The following SEC14L5 variants were observed in gnomAD, a reference collection of about 807,000 sequenced individuals.
SEC14L5 encodes SEC14-like protein 5.
Under a neutral mutation model 84.6 loss-of-function variants are expected in SEC14L5, and 96 were observed. The observed-to-expected ratio is 1.13, with a 90% CI of 0.96 to 1.34. The LOEUF (loss-of-function observed/expected upper bound fraction) is 1.34, where lower values mean the gene tolerates loss of function less well. Among genes scored for constraint, SEC14L5 ranks in the 40% most tolerant of loss-of-function variants. The probability of loss-of-function intolerance (pLI) is 0.00; values close to 1 mark genes in which losing one functional copy is unlikely to be tolerated. For synonymous variants in SEC14L5, 546 were observed against 383.4 expected, an observed-to-expected ratio of 1.42 and a Z score of -4.95; for missense variants, 1,224 against 942.5, an observed-to-expected ratio of 1.30 and a Z score of -3.91.
At chr16:4,997,559 G>A (rs1481482479) in intron 8 of SEC14L5, among the ~76,000 whole-genome samples, 2 of 152,196 alleles carry the variant, frequency 1.3e-5, no homozygotes, top group African/African-American at 2.4e-5. Flanking sequence ...CCACTGGGCT[G>A]AGTGAGCCCA....
Position 5,000,918 on chromosome 16 carries a change from C to T in SEC14L5, c.1123C>T (p.Pro375Ser), listed in dbSNP as rs780667755. Residue 375 changes from proline to serine, a missense_variant, in exon 10 of 16, where the codon CCC becomes TCC. Transcript: ENST00000251170. ...CEGSTRQLGR[P>S]ISSWTCLLDL... is the part of the protein sequence containing the mutation. The stretch of plus-strand genomic sequence containing the variant: ...GGGGAGCACAAGGCAGCTGGGCCGT[C>T]CCATCAGGCAAACACCTGGGCTGGG... 6.2e-7 allele frequency: 1 copy of T among 1,606,038 alleles called. No individual in the cohort carries two copies.
chr16:4,987,703 G>C lies in SEC14L5; in HGVS notation c.210G>C (p.Arg70=). The C allele has an allele frequency of 6.6e-7, 1 of 1,517,494 alleles. No homozygotes were observed. Among genetic ancestry groups the C allele is most frequent in the Non-Finnish European group, 8.8e-7 (1 of 1,137,972 alleles). 94.0% of individuals were successfully genotyped at this position (1,517,494 alleles called of 1,614,324 possible). Residue 70 remains arginine (R), a synonymous_variant, in exon 3 of 16, where the codon CGG becomes CGC. Transcript: ENST00000251170. The part of the protein sequence containing the change: ...RLRVDAPRLL[R]KIAGVEHVVF... ...GCGTGGACGCCCCGCGGCTGCTGCG[G>C]AAGGTGGGCGGCCCTGGGGCTGGGG...
intron 10 of SEC14L5, 46 bp downstream of exon 10, chr16:5,000,971 G>A (rs1480922165): frequency 2.7e-6 from 4 of 1,457,524 alleles, no homozygotes; most frequent in African/African-American, 2.8e-5. Context: ...CAGCAAAGAC[G>A]GAGGGTGGAG....
chr16:4,967,561 CGTTTTTTT>C (rs1955217633), intron 2 of SEC14L5, among the ~76,000 whole-genome samples: 6 of 86,292 alleles, frequency 7.0e-5, no homozygotes, highest in Admixed American at 2.4e-4. Flanking sequence ...TTCTTTCTTT[CGTTTTTTT>C]TTTTTTTTTT....
chr16:4,963,860 A>T (rs1255311883), intron 2 of SEC14L5, among the ~76,000 whole-genome samples: 1 of 151,244 alleles, frequency 6.6e-6, no homozygotes, highest in East Asian at 2.0e-4. Context: ...AAATTTATAA[A>T]TACTTTTATA....
chr16:4,974,992 G>C (rs1955323781), intron 2 of SEC14L5, among the ~76,000 whole-genome samples: 1 of 151,874 alleles, frequency 6.6e-6, no homozygotes, highest in African/African-American at 2.4e-5. Flanking sequence ...TGGCCAGGCT[G>C]GTCTCAAACT....
intron 2 of SEC14L5, among the ~76,000 whole-genome samples, chr16:4,966,461 G>T (rs1342239119): frequency 2.0e-5 from 3 of 151,112 alleles, no homozygotes; most frequent in Non-Finnish European, 4.4e-5. Flanking sequence ...TTTTAGTAGA[G>T]ACAGGGTTTC....
chr16:4,991,760 G>A, intron 5 of SEC14L5, 78 bp from the exon 6 acceptor site: 2 of 960,376 alleles, frequency 2.1e-6, no homozygotes, highest in South Asian at 3.6e-5. Flanking sequence ...CCGGCTGGGG[G>A]TGACTCCCTG....
chr16:4,983,716 G>C (rs1340702399), intron 2 of SEC14L5, among the ~76,000 whole-genome samples: 2 of 151,604 alleles, frequency 1.3e-5, no homozygotes, highest in African/African-American at 2.4e-5. Flanking sequence ...GTCTCTACTA[G>C]AAATACAAAA....
intron 2 of SEC14L5, among the ~76,000 whole-genome samples, chr16:4,980,739 A>T (rs778884761): frequency 1.1e-4 from 16 of 152,292 alleles, no homozygotes; most frequent in African/African-American, 2.4e-4. Context: ...AGAACTGAGG[A>T]AGAGGCAGTC....
chr16:5,000,740 G>C lies in SEC14L5; in HGVS notation c.1056G>C (p.Arg352=). 6.4e-7 allele frequency: 1 copy of C among 1,553,192 alleles called. No individual in the cohort carries two copies. Among genetic ancestry groups the C allele is most frequent in the East Asian group, 2.4e-5 (1 of 41,030 alleles). ...MKAVGEEALL[R]HVLSVNEEGQ... Reference sequence around the variant, plus strand: ...CCGTGGGGGAGGAGGCGCTGCTGCGGCATGTGAGTCAGGGGCCTCGTTCCT... The same window carrying C: ...CCGTGGGGGAGGAGGCGCTGCTGCGCCATGTGAGTCAGGGGCCTCGTTCCT... The change falls in exon 9 of 16, where the codon CGG becomes CGC. Residue 352 remains arginine, a synonymous_variant. Transcript: ENST00000251170.
chr16:5,000,843 T>A lies in SEC14L5; in HGVS notation c.1060-12T>A. 2 of 1,598,710 alleles carry A rather than the reference T, an allele frequency of 1.3e-6. No individual in the cohort carries two copies. The highest frequency in any genetic ancestry group is 1.7e-6 in the Non-Finnish European group (2 of 1,172,758). On this transcript the variant is annotated splice_polypyrimidine_tract_variant and intron_variant, in intron 9 of 15. Transcript: ENST00000251170. ...GAGGCGGACGTTGAGCAGCACTGTC[T>A]CTCCCTTCCAGGTTCTCTCCGTCAA...
chr16:4,977,446 C>CAAAAAAAAAAAAAAAAAAAAAAAA (rs762657125), intron 2 of SEC14L5, among the ~76,000 whole-genome samples: 1 of 66,140 alleles, frequency 1.5e-5, no homozygotes, highest in African/African-American at 6.6e-5. Context: ...GACTCCGTCT[C>CAAAAAAAAAAAAAAAAAAAAAAAA]AAAAAAAAAA....
intron 2 of SEC14L5, among the ~76,000 whole-genome samples, chr16:4,969,184 C>T (rs899346804): frequency 6.6e-6 from 1 of 152,236 alleles, no homozygotes; most frequent in South Asian, 2.1e-4. Context: ...GCATAGTTGT[C>T]TTCTGATTTC....
At chr16:4,971,836 A>G (rs1955284296) in intron 2 of SEC14L5, among the ~76,000 whole-genome samples, 1 of 152,084 alleles carries the variant, frequency 6.6e-6, no homozygotes, top group African/African-American at 2.4e-5. Flanking sequence ...CATTCCTTTG[A>G]GAAATATTGG....
rs777153954 is a variant in SEC14L5 at position 5,008,543 on chromosome 16, G to A, written c.1695G>A (p.Pro565=). 20 of 1,609,182 alleles carry A rather than the reference G, an allele frequency of 1.2e-5. No homozygotes were observed. Among genetic ancestry groups the A allele is most frequent in the African/African-American group, 2.7e-5 (2 of 74,484 alleles). ...CGCCCAGGCTGGGCGCCCGGGAACC[G>A]GGGACCAGGGCCAGCGGGCAGCTGA... ...KQAPRLGARE[P]GTRASGQLID... The change falls in exon 14 of 16, where the codon CCG becomes CCA. Residue 565 remains proline, a synonymous_variant. Coordinates refer to ENST00000251170, the MANE Select transcript of SEC14L5 (RefSeq NM_014692.2).
chr16:4,987,648 T>C lies in SEC14L5; in HGVS notation c.155T>C (p.Val52Ala), dbSNP rs1199684445. 1.3e-6 allele frequency: 2 copies of C among 1,553,060 alleles called. No homozygotes were observed. The highest frequency in any genetic ancestry group is 1.7e-6 in the Non-Finnish European group (2 of 1,150,502). The change falls in exon 3 of 16, where the codon GTG (valine) becomes GCG (alanine). Residue 52 changes from valine to alanine, a missense_variant. Physicochemically the swap from Val to Ala is moderately conservative, Grantham distance 64. Coordinates refer to ENST00000251170, the MANE Select transcript of SEC14L5 (RefSeq NM_014692.2). ...GAGTCCCGCAGCCCGGACGGGGCTG[T>C]GCACGTGGTGGAGCGGAGCTGCCGG... ...LRESRSPDGA[V>A]HVVERSCRLR...
intron 2 of SEC14L5, among the ~76,000 whole-genome samples, chr16:4,962,165 C>CAA (rs540573784): frequency 0.019 from 1,410 of 72,708 alleles, 23 homozygotes; most frequent in African/African-American, 0.046. Context: ...GACTCTGTCT[C>CAA]AAAAAAAAAA....
At chr16:4,970,596 C>T (rs371372008) in intron 2 of SEC14L5, among the ~76,000 whole-genome samples, 6 of 152,318 alleles carry the variant, frequency 3.9e-5, no homozygotes, top group African/African-American at 1.2e-4. Flanking sequence ...TCCGCCCTCC[C>T]GGAGCCATCA....
Sources: allele counts gnomAD v4.1 joint callset (sites outside exome capture counted in the v4.1 genomes callset), GRCh38; gene constraint gnomAD v4.1.1; transcripts MANE v1.5; gene names NCBI Gene and HGNC (gene_info 2026-07-23, HGNC 2026-07-21).